Variants in BORCS7 observed in about 807,000 individuals in gnomAD.
BORCS7 encodes the protein BLOC-1-related complex subunit 7.
BORCS7 carries 20 observed loss-of-function variants against 17.5 expected under a neutral mutation model. That is an observed-to-expected ratio of 1.14 (90% CI 0.80 to 1.66). The LOEUF is 1.66. Ranked by LOEUF, BORCS7 falls within the 40% of genes most tolerant of loss-of-function variation. The pLI, the probability that BORCS7 is intolerant of heterozygous loss-of-function variation, is 0.00. For missense variants in BORCS7, 122 were observed against 129.7 expected (o/e 0.94, Z 0.29); for synonymous variants, 57 against 49.8 (o/e 1.14, Z -0.61).
rs779142077 is a variant in BORCS7 at position 102,860,507 on chromosome 10, A to G, written c.214A>G (p.Lys72Glu). 1.2e-6 allele frequency: 2 copies of G among 1,613,388 alleles called. No homozygotes were observed. The highest frequency in any genetic ancestry group is 1.7e-6 in the Non-Finnish European group (2 of 1,179,378). ...AILHSEDSLR[K>E]MAIITTHLQY... ...TCTCTTTTTTATGCAGAGTTTAAGG[A>G]AGATGGCAATAATAACAACACATCT... Residue 72 changes from lysine to glutamate, a missense_variant, in exon 3 of 5, where the codon AAG becomes GAG. By Grantham distance (56) the Lys-to-Glu change is moderately conservative. Transcript: ENST00000339834.
At position 102,854,306 on chromosome 10, in the gene BORCS7, C is replaced by A; in HGVS notation, c.20C>A (p.Pro7Gln). MMATGT[P>Q]ESQARFGQSV... Reference sequence around the variant, plus strand: ...ACTGAAATGATGGCGACTGGAACGCCAGAGTCTCAAGCGCGGTTCGGTCAG... The same window carrying A: ...ACTGAAATGATGGCGACTGGAACGCAAGAGTCTCAAGCGCGGTTCGGTCAG... Residue 7 changes from proline (P) to glutamine (Q), a missense_variant, in exon 1 of 5, where the codon CCA becomes CAA. Coordinates refer to ENST00000339834, the MANE Select transcript of BORCS7 (RefSeq NM_001136200.2). 1.9e-6 allele frequency: 3 copies of A among 1,605,550 alleles called. No homozygotes were observed. The highest frequency in any genetic ancestry group is 2.6e-6 in the Non-Finnish European group (3 of 1,176,210).
chr10:102,861,615 G>C (rs1469503352), intron 3 of BORCS7, among the ~76,000 whole-genome samples: 2 of 152,070 alleles, frequency 1.3e-5, no homozygotes, highest in Non-Finnish European at 2.9e-5. Context: ...TACTCGGGAG[G>C]CTGAGGCAGG....
rs1023172060 is a variant in BORCS7 at position 102,862,052 on chromosome 10, A to G, written c.249-108A>G. 7.8e-6 allele frequency: 8 copies of G among 1,020,480 alleles called. No homozygotes were observed. In the Admixed American group the frequency reaches 1.4e-4, roughly 18 times the overall value. 63.2% of individuals were successfully genotyped at this position (1,020,480 alleles called of 1,614,324 possible). On this transcript the variant is annotated intron_variant, in intron 3 of 4. Transcript: ENST00000339834. Reference sequence around the variant, plus strand: ...CTTAGGATAGGATGGACAGAAATACAGGATGTGACATAAGCTGAAATTTCT... The same window carrying G: ...CTTAGGATAGGATGGACAGAAATACGGGATGTGACATAAGCTGAAATTTCT...
In BORCS7 at chr10:102,854,359, G is replaced by A; in HGVS notation, c.73G>A (p.Val25Met). The change falls in exon 1 of 5, where the codon GTG becomes ATG. Residue 25 changes from valine to methionine, a missense_variant. By Grantham distance (21) the Val-to-Met change is conservative (BLOSUM62 1). Coordinates refer to ENST00000339834, the MANE Select transcript of BORCS7 (RefSeq NM_001136200.2). ...QSVKGLLTEK[V>M]TTCGTDVIAL... ...CGTGAAGGGGCTTCTCACGGAGAAG[G>A]TGACCACCTGTGGTACTGACGTAAT... 2 of 1,582,056 alleles carry A rather than the reference G, an allele frequency of 1.3e-6. No individual in the cohort carries two copies. The highest frequency in any genetic ancestry group is 8.6e-7 in the Non-Finnish European group (1 of 1,163,326).
chr10:102,854,613 T>A (rs1003393373), intron 1 of BORCS7, 186 bp downstream of exon 1: 7 of 626,730 alleles, frequency 1.1e-5, no homozygotes, highest in Non-Finnish European at 1.7e-5. Context: ...AGGGACAGTG[T>A]GTGAGGGTTG....
intron 1 of BORCS7, among the ~76,000 whole-genome samples, chr10:102,855,396 T>C (rs989259513): frequency 1.3e-5 from 2 of 152,040 alleles, no homozygotes; most frequent in African/African-American, 4.8e-5. Context: ...GACCTCATGA[T>C]CTGCCTGCAT....
At chr10:102,857,154 A>G (rs1242602553) in intron 1 of BORCS7, among the ~76,000 whole-genome samples, 1 of 151,980 alleles carries the variant, frequency 6.6e-6, no homozygotes, top group Admixed American at 6.6e-5. Flanking sequence ...CCCTGTAATC[A>G]GTTAGACACT....
At position 102,854,375 on chromosome 10, in the gene BORCS7, C is replaced by T. The variant is rs1257693031; in HGVS notation, c.89C>T (p.Thr30Ile). The T allele has an allele frequency of 1.3e-6, 2 of 1,568,558 alleles. No homozygotes were observed. The highest frequency in any genetic ancestry group is 1.2e-5 in the South Asian group (1 of 85,674). ...LLTEKVTTCG[T>I]DVIALTKQVL... The stretch of plus-strand genomic sequence containing the variant: ...ACGGAGAAGGTGACCACCTGTGGTA[C>T]TGACGTAATCGCGCTCACCAAGCAG... The change falls in exon 1 of 5, where the codon ACT becomes ATT. Residue 30 changes from threonine to isoleucine, a missense_variant. Transcript: ENST00000339834.
Position 102,860,542 on chromosome 10 carries a change from G to T in BORCS7, c.248+1G>T. 6.2e-7 allele frequency: 1 copy of T among 1,612,250 alleles called. No homozygotes were observed. The highest frequency in any genetic ancestry group is 2.2e-5 in the East Asian group (1 of 44,878). ...TAATAACAACACATCTTCAATACCA[G>T]TGAGTATGCCCCCTCCAGCAACTAT... On this transcript the variant is annotated splice_donor_variant, in intron 3 of 4. Transcript: ENST00000339834. LOFTEE classifies it high-confidence loss of function.
chr10:102,858,207 C>CGAGAGA (rs148405072), intron 1 of BORCS7, among the ~76,000 whole-genome samples: 1 of 121,202 alleles, frequency 8.3e-6, no homozygotes, highest in African/African-American at 3.0e-5. Context: ...AGAGAGCGAG[C>CGAGAGA]GAGAGAGAGA....
intron 3 of BORCS7, among the ~76,000 whole-genome samples, chr10:102,861,727 A>C (rs78014000): frequency 0.14 from 21,141 of 149,572 alleles, 1,934 homozygotes; most frequent in Non-Finnish European, 0.2. Context: ...CAAAAAAAAA[A>C]CAAAAAAACA....
In BORCS7 at chr10:102,860,493, T is replaced by C. The variant is rs755544963; in HGVS notation, c.205-5T>C. 67 of 1,612,922 alleles carry C rather than the reference T, an allele frequency of 4.2e-5. No individual in the cohort carries two copies. Among genetic ancestry groups the C allele is most frequent in the Non-Finnish European group, 5.5e-5 (65 of 1,178,994 alleles). ...GTTCTATTTCTCTCTCTCTTTTTTA[T>C]GCAGAGTTTAAGGAAGATGGCAATA... On this transcript the variant is annotated splice_polypyrimidine_tract_variant and splice_region_variant and intron_variant, in intron 2 of 4. Transcript: ENST00000339834.
chr10:102,858,199 AGAGC>A (rs1398337674), intron 1 of BORCS7, among the ~76,000 whole-genome samples: 2 of 130,742 alleles, frequency 1.5e-5, no homozygotes, highest in African/African-American at 2.7e-5. Flanking sequence ...ATAGAGAGAG[AGAGC>A]GAGCGAGAGA....
intron 1 of BORCS7, among the ~76,000 whole-genome samples, chr10:102,854,953 C>T (rs1172737468): frequency 1.4e-5 from 2 of 145,392 alleles, no homozygotes; most frequent in South Asian, 4.2e-4. Context: ...ATATAATATA[C>T]ATATATATTA....
In BORCS7 at chr10:102,854,281, A is replaced by C. The variant is rs1564785104; in HGVS notation, c.-6A>C. The C allele has an allele frequency of 6.2e-7, 1 of 1,605,806 alleles. No individual in the cohort carries two copies. The highest frequency in any genetic ancestry group is 2.2e-5 in the East Asian group (1 of 44,694). ...ATCGTCAGTGCGCAACCGTTCGCTA[A>C]CTGAAATGATGGCGACTGGAACGCC... On this transcript the variant is annotated 5_prime_UTR_variant, in exon 1 of 5. Coordinates refer to ENST00000339834, the MANE Select transcript of BORCS7 (RefSeq NM_001136200.2).
rs558507342 is a variant in BORCS7 at position 102,864,412 on chromosome 10, C to T, written c.*1488C>T. The T allele has an allele frequency of 3.9e-5, 6 of 151,958 alleles. No individual in the cohort carries two copies. Among genetic ancestry groups the T allele is most frequent in the Non-Finnish European group, 8.8e-5 (6 of 67,976 alleles). 9.4% of individuals were successfully genotyped at this position (151,958 alleles called of 1,614,324 possible). ...ATTAAATACAGATGGACTCAATGTACCTTTGAAAAGACCACTAATTTAGAA... is the reference window on the plus strand; with the variant it reads ...ATTAAATACAGATGGACTCAATGTATCTTTGAAAAGACCACTAATTTAGAA... On this transcript the variant is annotated 3_prime_UTR_variant, in exon 5 of 5. Transcript: ENST00000339834.
Position 102,862,963 on chromosome 10 carries a change from T to G in BORCS7, c.*39T>G. The G allele has an allele frequency of 6.7e-7, 1 of 1,487,568 alleles. No homozygotes were observed. The highest frequency in any genetic ancestry group is 9.4e-7 in the Non-Finnish European group (1 of 1,064,802). 92.1% of individuals were successfully genotyped at this position (1,487,568 alleles called of 1,614,324 possible). A position where few individuals can be genotyped will look rare whatever the true frequency, so the allele number is the denominator to read the frequency against. On this transcript the variant is annotated 3_prime_UTR_variant, in exon 5 of 5. Coordinates refer to ENST00000339834, the MANE Select transcript of BORCS7 (RefSeq NM_001136200.2). The stretch of plus-strand genomic sequence containing the variant: ...AGTGCTGTAGGACTCCTTTGCCTAA[T>G]GCTGAGGAGTAAATACCTTACACAG...
At position 102,860,400 on chromosome 10, in the gene BORCS7, AAAC is replaced by A. The variant is rs1442985019; in HGVS notation, c.204+10_204+12del. 2 of 1,613,898 alleles carry A rather than the reference AAAC, an allele frequency of 1.2e-6. No homozygotes were observed. Among genetic ancestry groups the A allele is most frequent in the Non-Finnish European group, 1.7e-6 (2 of 1,179,820 alleles). ...CCATCTTGCACTCAGAAGATGTAAG[AAAC>A]AACTTTTTTTTTTAATGATTTGGGT... On this transcript the variant is annotated splice_region_variant and intron_variant, in intron 2 of 4. Coordinates refer to ENST00000339834, the MANE Select transcript of BORCS7 (RefSeq NM_001136200.2).
chr10:102,858,921 C>T (rs1450925272), intron 1 of BORCS7, among the ~76,000 whole-genome samples: 2 of 151,914 alleles, frequency 1.3e-5, no homozygotes, highest in East Asian at 3.9e-4. Context: ...ATAACAGTAG[C>T]TCCTTTTACT....
Sources: allele counts gnomAD v4.1 joint callset (sites outside exome capture counted in the v4.1 genomes callset), GRCh38; gene constraint gnomAD v4.1.1; transcripts MANE v1.5; gene names NCBI Gene and HGNC (gene_info 2026-07-23, HGNC 2026-07-21).